The following NRXN3 variants were observed in gnomAD, a reference collection of about 807,000 sequenced individuals.
NRXN3 encodes the protein neurexin 3.
Under a neutral mutation model 137.6 loss-of-function variants are expected in NRXN3, and 32 were observed. That is an observed-to-expected ratio of 0.23 (90% confidence interval 0.18 to 0.31). The LOEUF (loss-of-function observed/expected upper bound fraction) is 0.31. Among genes scored for constraint, NRXN3 ranks in the 10% least tolerant of loss-of-function variants. The pLI is 1.00. For synonymous variants in NRXN3, 798 were observed against 784.5 expected, an observed-to-expected ratio of 1.02 and a Z score of -0.29; for missense variants, 1,574 against 2,062.5, an observed-to-expected ratio of 0.76 and a Z score of 4.59.
intron 15 of NRXN3, among the ~76,000 whole-genome samples, chr14:79,349,127 A>G (rs1356165780): frequency 6.6e-6 from 1 of 152,128 alleles, no homozygotes; most frequent in Non-Finnish European, 1.5e-5. Flanking sequence ...TACACATAGA[A>G]CTTTTCTAAA....
chr14:78,858,475 TA>T (rs1289959924), intron 10 of NRXN3, among the ~76,000 whole-genome samples: 2 of 152,128 alleles, frequency 1.3e-5, no homozygotes, highest in Non-Finnish European at 2.9e-5. Context: ...AAGAAAGAGG[TA>T]AAGATGAAGG....
chr14:78,841,192 C>G (rs1050381864), intron 10 of NRXN3, among the ~76,000 whole-genome samples: 3 of 152,152 alleles, frequency 2.0e-5, no homozygotes, highest in Admixed American at 2.0e-4. Context: ...ACTAGAGTCA[C>G]TTCTGACCTG....
chr14:78,184,383 T>G (rs2060056650), intron 1 of NRXN3, among the ~76,000 whole-genome samples: 2 of 152,228 alleles, frequency 1.3e-5, no homozygotes, highest in Admixed American at 1.3e-4. Flanking sequence ...CAGATTTAGC[T>G]TTTGGGTGTA....
rs530269470 is a variant in NRXN3 at position 79,318,956 on chromosome 14, C to T, written c.3263-148265C>T. 2.6e-5 allele frequency among the ~76,000 whole-genome samples: 4 copies of T among 152,168 alleles called. No individual in the cohort carries two copies. The East Asian group carries it at 7.7e-4, about 29-fold the overall frequency. On this transcript the variant is annotated intron_variant, in intron 15 of 20. Transcript: ENST00000335750. ...TTGAATATTGATGTTCTATTTATTT[C>T]TATGCACTCACTTTGTTTTTGACCA...
intron 11 of NRXN3, among the ~76,000 whole-genome samples, chr14:78,961,201 C>T (rs1280345877): frequency 6.6e-6 from 1 of 152,120 alleles, no homozygotes; most frequent in East Asian, 1.9e-4. Flanking sequence ...CTTAACTTCT[C>T]TCCCCACGTC....
At chr14:79,274,595 A>C (rs1361689557) in intron 15 of NRXN3, among the ~76,000 whole-genome samples, 1 of 150,956 alleles carries the variant, frequency 6.6e-6, no homozygotes, top group African/African-American at 2.5e-5. Context: ...TGAGAAACTA[A>C]TTAAGCCCTG....
chr14:79,450,537 C>T (rs1227488627), intron 15 of NRXN3, among the ~76,000 whole-genome samples: 1 of 151,844 alleles, frequency 6.6e-6, no homozygotes, highest in African/African-American at 2.4e-5. Context: ...ACATTGTACC[C>T]CATAATTATA....
chr14:78,543,316 T>C (rs1293137536), intron 4 of NRXN3, among the ~76,000 whole-genome samples: 1 of 152,216 alleles, frequency 6.6e-6, no homozygotes, highest in Admixed American at 6.5e-5. Flanking sequence ...ACTTAATGCA[T>C]ATGTACACTT....
chr14:79,298,628 G>C (rs868378389), intron 15 of NRXN3, among the ~76,000 whole-genome samples: 1 of 152,046 alleles, frequency 6.6e-6, no homozygotes, highest in African/African-American at 2.4e-5. Context: ...TCTCATCAGA[G>C]ACTACATCTG....
intron 15 of NRXN3, chr14:79,248,488 C>CA (rs1166838778): frequency 3.3e-5 from 5 of 152,612 alleles, no homozygotes; most frequent in Non-Finnish European, 5.8e-5. Context: ...TCTGGCCCCC[C>CA]AGCTTTCCTG....
chr14:79,679,593 G>A (rs1021659183), intron 17 of NRXN3, among the ~76,000 whole-genome samples: 3 of 152,098 alleles, frequency 2.0e-5, no homozygotes, highest in African/African-American at 4.8e-5. Flanking sequence ...GTATGTCAAT[G>A]TTTGGTTTCA....
chr14:79,400,446 G>A (rs1484913905), intron 15 of NRXN3, among the ~76,000 whole-genome samples: 2 of 152,182 alleles, frequency 1.3e-5, no homozygotes, highest in African/African-American at 4.8e-5. Context: ...AGCCTTTGCA[G>A]TATGATTTTT....
chr14:78,334,650 A>G lies in NRXN3; in HGVS notation c.757+36790A>G, dbSNP rs1035503985. Among the ~76,000 whole-genome samples the G allele has an allele frequency of 2.0e-5, 3 of 152,262 alleles. No individual in the cohort carries two copies. In the East Asian group the frequency reaches 5.8e-4, roughly 29 times the overall value. ...AATTATTTGTTCATTGAGAATGTGT[A>G]TTTAAAAACTTCTTACTAGCAAAGT... On this transcript the variant is annotated intron_variant, in intron 4 of 20. Transcript: ENST00000335750.
chr14:79,747,706 T>C (rs2098983864), intron 19 of NRXN3, among the ~76,000 whole-genome samples: 1 of 152,154 alleles, frequency 6.6e-6, no homozygotes, highest in Non-Finnish European at 1.5e-5. Context: ...ACCAGTTTTC[T>C]AAAAATGAAA....
intron 1 of NRXN3, among the ~76,000 whole-genome samples, chr14:78,201,591 T>TTGTA (rs2061682815): frequency 6.6e-6 from 1 of 152,178 alleles, no homozygotes; most frequent in Non-Finnish European, 1.5e-5. Flanking sequence ...CGAGGACTGG[T>TTGTA]TGTACTCCCT....
At chr14:78,233,735 C>T (rs73308590) in intron 1 of NRXN3, among the ~76,000 whole-genome samples, 83 of 151,036 alleles carry the variant, frequency 5.5e-4, no homozygotes, top group African/African-American at 1.9e-3. Flanking sequence ...GTGGACACTG[C>T]TCCTGCCACT....
chr14:79,439,241 T>C (rs773779924), intron 15 of NRXN3, among the ~76,000 whole-genome samples: 11 of 152,252 alleles, frequency 7.2e-5, no homozygotes, highest in Non-Finnish European at 1.3e-4. Context: ...ACTTACAAGA[T>C]AAACTGCATG....
chr14:78,500,706 G>A (rs1416838400), intron 4 of NRXN3, among the ~76,000 whole-genome samples: 1 of 152,186 alleles, frequency 6.6e-6, no homozygotes, highest in East Asian at 1.9e-4. Context: ...CATGGCGGTA[G>A]AGGTGTCAGG....
At chr14:79,851,880 G>T (rs529785650) in intron 20 of NRXN3, among the ~76,000 whole-genome samples, 13 of 152,112 alleles carry the variant, frequency 8.5e-5, no homozygotes, top group South Asian at 8.3e-4. Context: ...TTTCCTCAAA[G>T]CACTTCCAAT....
Sources: allele counts gnomAD v4.1 joint callset (sites outside exome capture counted in the v4.1 genomes callset), GRCh38; gene constraint gnomAD v4.1.1; transcripts MANE v1.5; gene names NCBI Gene and HGNC (gene_info 2026-07-23, HGNC 2026-07-21).